RALYL: variants seen among roughly 807,000 people sequenced by gnomAD.
RALYL encodes the protein RALY RNA binding protein like.
In RALYL, 29 loss-of-function variants were observed where a neutral mutation model predicts 35.1. That is an observed-to-expected ratio of 0.83 (90% CI 0.61 to 1.13). The LOEUF is 1.13. Among genes scored for constraint, RALYL ranks in the 50% most tolerant of loss-of-function variants. The pLI is 0.00. For missense variants in RALYL, 359 were observed against 360.4 expected, an observed-to-expected ratio of 1.00 and a Z score of 0.03; for synonymous variants, 120 against 127.6, an observed-to-expected ratio of 0.94 and a Z score of 0.40.
chr8:84,734,670 T>C (rs921987484), intron 2 of RALYL, among the ~76,000 whole-genome samples: 10 of 152,252 alleles, frequency 6.6e-5, no homozygotes, highest in Middle Eastern at 3.4e-3. Flanking sequence ...AGTTCTGTTC[T>C]GAGTCCCTGC....
upstream of RALYL, chr8:84,183,183 G>C (rs1811675000): frequency 6.4e-6 from 1 of 155,658 alleles, no homozygotes; most frequent in Non-Finnish European, 1.4e-5. Flanking sequence ...AACCCCGCTC[G>C]GCTCCCCCTC....
intron 1 of RALYL, among the ~76,000 whole-genome samples, chr8:84,314,041 G>A (rs1843298078): frequency 6.6e-6 from 1 of 152,062 alleles, no homozygotes; most frequent in African/African-American, 2.4e-5. Context: ...GCTGGGGGAG[G>A]GCTCAGGAAA....
At chr8:84,306,120 C>T (rs111455761) in intron 1 of RALYL, among the ~76,000 whole-genome samples, 3,936 of 151,428 alleles carry the variant, frequency 0.026, 95 homozygotes, top group Non-Finnish European at 0.029. Context: ...GCTGAGATTG[C>T]GCCACTGCAC....
In RALYL at chr8:84,834,453, A is replaced by G. The variant is rs28481657; in HGVS notation, c.366-15527A>G. 7.6e-3 allele frequency among the ~76,000 whole-genome samples: 1,150 copies of G among 152,300 alleles called. 10 individuals are homozygous for G. The highest frequency in any genetic ancestry group is 0.027 in the African/African-American group (1,104 of 41,556). On this transcript the variant is annotated intron_variant, in intron 4 of 8. Coordinates refer to ENST00000521268, the MANE Select transcript of RALYL (RefSeq NM_173848.7). ...TAGTGGACTGGAGGTGATGAGTAGG[A>G]AACCTCTGCTGAGATGCCCATGGTT...
intron 2 of RALYL, among the ~76,000 whole-genome samples, chr8:84,621,373 T>TC (rs1362705201): frequency 5.9e-5 from 9 of 152,000 alleles, no homozygotes; most frequent in Admixed American, 2.0e-4. Context: ...GTGCCGGCTG[T>TC]CCCCCCTTTC....
intron 1 of RALYL, among the ~76,000 whole-genome samples, chr8:84,435,838 T>G (rs2047654106): frequency 6.6e-6 from 1 of 152,144 alleles, no homozygotes; most frequent in Non-Finnish European, 1.5e-5. Flanking sequence ...ACCCAGTCTT[T>G]CCTACTCACC....
chr8:84,784,530 TC>T (rs1818918764), intron 3 of RALYL, among the ~76,000 whole-genome samples: 1 of 152,236 alleles, frequency 6.6e-6, no homozygotes, highest in Non-Finnish European at 1.5e-5. Context: ...TTATTACAAA[TC>T]ATAAGCTAGA....
intron 2 of RALYL, among the ~76,000 whole-genome samples, chr8:84,603,329 T>G (rs1440397839): frequency 6.6e-6 from 1 of 152,114 alleles, no homozygotes; most frequent in Non-Finnish European, 1.5e-5. Flanking sequence ...TATTGTTACT[T>G]TATTATAATT....
intron 2 of RALYL, among the ~76,000 whole-genome samples, chr8:84,637,284 T>C (rs1195419560): frequency 6.6e-6 from 1 of 151,914 alleles, no homozygotes; most frequent in Non-Finnish European, 1.5e-5. Context: ...TGTTTTCAGG[T>C]ATTTAAGGAA....
intron 1 of RALYL, among the ~76,000 whole-genome samples, chr8:84,250,544 A>T (rs1829985839): frequency 6.6e-6 from 1 of 151,846 alleles, no homozygotes. Flanking sequence ...GCCATTTTTG[A>T]TATTGTTATG....
At chr8:84,463,266 T>C (rs569351521) in intron 1 of RALYL, among the ~76,000 whole-genome samples, 1 of 152,172 alleles carries the variant, frequency 6.6e-6, no homozygotes, top group East Asian at 1.9e-4. Context: ...TTAAGTGTAG[T>C]GTAAAATGGG....
chr8:84,668,442 G>A (rs1162234338), intron 2 of RALYL, among the ~76,000 whole-genome samples: 4 of 152,090 alleles, frequency 2.6e-5, no homozygotes, highest in African/African-American at 9.7e-5. Flanking sequence ...AAACAGAACA[G>A]CTGTAATAAA....
chr8:84,382,130 A>G (rs778313544), intron 1 of RALYL, among the ~76,000 whole-genome samples: 1 of 151,428 alleles, frequency 6.6e-6, no homozygotes, highest in Non-Finnish European at 1.5e-5. Context: ...TGAGAAAATC[A>G]TACTTAACAT....
intron 2 of RALYL, among the ~76,000 whole-genome samples, chr8:84,557,020 C>T (rs1261428713): frequency 6.6e-6 from 1 of 152,116 alleles, no homozygotes; most frequent in East Asian, 1.9e-4. Flanking sequence ...GGAGATACAG[C>T]CGCAGATCTG....
intron 2 of RALYL, among the ~76,000 whole-genome samples, chr8:84,639,455 CA>C (rs1825859920): frequency 6.6e-6 from 1 of 151,614 alleles, no homozygotes; most frequent in Non-Finnish European, 1.5e-5. Flanking sequence ...GTGTCTAAAT[CA>C]AAAAAAGTGA....
At chr8:84,730,260 A>G (rs1212086147) in intron 2 of RALYL, among the ~76,000 whole-genome samples, 1 of 152,178 alleles carries the variant, frequency 6.6e-6, no homozygotes, top group Admixed American at 6.6e-5. Flanking sequence ...AATCCAGCAT[A>G]TAAATAGAAC....
chr8:84,869,657 C>T (rs1446995857), intron 6 of RALYL, among the ~76,000 whole-genome samples: 1 of 152,092 alleles, frequency 6.6e-6, no homozygotes, highest in African/African-American at 2.4e-5. Context: ...CAAGTCATAA[C>T]AAGGAAAAAT....
intron 1 of RALYL, among the ~76,000 whole-genome samples, chr8:84,433,794 T>A (rs2047396522): frequency 6.8e-6 from 1 of 147,962 alleles, no homozygotes; most frequent in African/African-American, 2.5e-5. Context: ...TGGACTAATA[T>A]ATGTGTGCAT....
chr8:84,303,884 CT>C lies in RALYL; in HGVS notation c.-24+119464del, dbSNP rs139271938. On this transcript the variant is annotated intron_variant, in intron 1 of 8. Coordinates refer to ENST00000521268, the MANE Select transcript of RALYL (RefSeq NM_173848.7). ...CGACCTATATATTAAACACACTTAA[CT>C]TTTGACACTTTCTCTTTTTATTGGA... Among the ~76,000 whole-genome samples, 6 of 152,138 alleles carry C rather than the reference CT, an allele frequency of 3.9e-5. No individual in the cohort carries two copies. In the East Asian group the frequency reaches 1.2e-3, roughly 29 times the overall value.
Sources: gnomAD v4.1 joint callset for allele counts (sites outside exome capture counted in the v4.1 genomes callset) on GRCh38, gnomAD v4.1.1 for gene constraint, MANE v1.5 for transcripts, NCBI Gene and HGNC (gene_info 2026-07-23, HGNC 2026-07-21) for gene names.